Variants in ACRBP observed in about 807,000 individuals in gnomAD.
ACRBP encodes acrosin binding protein.
In ACRBP, 52 loss-of-function variants were observed where a neutral mutation model predicts 69.0. The ratio of observed to expected loss-of-function variants is 0.75; its 90% CI spans 0.60 to 0.95. The LOEUF (loss-of-function observed/expected upper bound fraction) is 0.95, where lower values mean the gene tolerates loss of function less well. Among genes scored for constraint, ACRBP ranks in the 40% least tolerant of loss-of-function variants. The probability of loss-of-function intolerance (pLI) is 0.00; values close to 1 mark genes in which losing one functional copy is unlikely to be tolerated. For synonymous variants in ACRBP, 267 were observed against 258.9 expected (o/e 1.03, Z -0.30); for missense variants, 604 against 673.0 (o/e 0.90, Z 1.13).
chr12:6,641,717 G>A (rs537174018), intron 6 of ACRBP, among the ~76,000 whole-genome samples: 1 of 152,252 alleles, frequency 6.6e-6, no homozygotes, highest in East Asian at 1.9e-4. Context: ...GAAACAGTAT[G>A]CTCATTGTTA....
In ACRBP at chr12:6,640,151, C is replaced by T. The variant is rs1444631771; in HGVS notation, c.1334G>A (p.Arg445Gln). ...GGLHMDFWCARLATKGCEDVR... is the reference protein window; with the variant it reads ...GGLHMDFWCAQLATKGCEDVR... ...ATCTTCACAGCCTTTCGTGGCAAGC[C>T]GGGCACACCAGAAGTCCATGTGGAG... Residue 445 changes from arginine (R) to glutamine (Q), a missense_variant, in exon 8 of 10, where the codon CGG becomes CAG. By Grantham distance (43) the Arg-to-Gln change is conservative. This residue lies in a region of ACRBP where 532 missense variants were observed against 562.9 expected (regional missense o/e 0.95). Coordinates refer to ENST00000229243, the MANE Select transcript of ACRBP (RefSeq NM_032489.3). This position sits in a 1 kb window ranked among gnomAD's most constrained non-coding sequence, Gnocchi z 5.3. 8.1e-6 allele frequency: 13 copies of T among 1,614,052 alleles called. No homozygotes were observed. Among genetic ancestry groups the T allele is most frequent in the East Asian group, 2.2e-5 (1 of 44,900 alleles).
At chr12:6,645,538 C>T (rs2136251664) in intron 3 of ACRBP, among the ~76,000 whole-genome samples, 1 of 152,310 alleles carries the variant, frequency 6.6e-6, no homozygotes, top group African/African-American at 2.4e-5. Flanking sequence ...GGCCACATCC[C>T]TGCCGTCACT....
At chr12:6,646,611 G>A in intron 2 of ACRBP, 34 bp from the exon 3 acceptor site, 1 of 1,598,024 alleles carries the variant, frequency 6.3e-7, no homozygotes, top group South Asian at 1.1e-5. Context: ...AGATGAACCC[G>A]TGGGGAGCTT....
chr12:6,639,263 A>T (rs1199281316), intron 8 of ACRBP, among the ~76,000 whole-genome samples: 1 of 152,238 alleles, frequency 6.6e-6, no homozygotes, highest in Non-Finnish European at 1.5e-5. Context: ...TGAGGCTGCC[A>T]GTCAGCTTAC....
chr12:6,647,272 G>A, intron 1 of ACRBP, 52 bp downstream of exon 1: 1 of 1,519,098 alleles, frequency 6.6e-7, no homozygotes. Flanking sequence ...GCTCTCGGGA[G>A]GGAGAGGACT....
chr12:6,645,731 G>A (rs1395429284), intron 3 of ACRBP, among the ~76,000 whole-genome samples: 1 of 150,302 alleles, frequency 6.7e-6, no homozygotes, highest in Non-Finnish European at 1.5e-5. Context: ...CGCGATCTCG[G>A]CTCACTGCAA....
chr12:6,647,304 A>C lies in ACRBP; in HGVS notation c.43+20T>G. On this transcript the variant is annotated intron_variant, in intron 1 of 9. Transcript: ENST00000229243. ...GACTAGCCCGGGGAGAGTCTGTTGG[A>C]GCAGGTGTAAACCTCTCACCCTTCA... 6.5e-7 allele frequency: 1 copy of C among 1,548,256 alleles called. No individual in the cohort carries two copies. Among genetic ancestry groups the C allele is most frequent in the Non-Finnish European group, 8.7e-7 (1 of 1,148,748 alleles).
At chr12:6,643,119 G>A (rs1949064834) in intron 6 of ACRBP, among the ~76,000 whole-genome samples, 1 of 152,176 alleles carries the variant, frequency 6.6e-6, no homozygotes, top group Non-Finnish European at 1.5e-5. Context: ...GCCAGGCATG[G>A]TGACACATGC....
At chr12:6,646,362 C>T in intron 3 of ACRBP, 121 bp downstream of exon 3, 3 of 855,690 alleles carry the variant, frequency 3.5e-6, no homozygotes, top group Non-Finnish European at 5.9e-6. Flanking sequence ...AAATGACTGG[C>T]AAAATGGCAG....
Position 6,640,844 on chromosome 12 carries a change from T to C in ACRBP, c.1078-322A>G, listed in dbSNP as rs1949047205. ...CCAAGTGCCTGACAGATGTCTGTGA[T>C]TGGGTGATCTTACAGATACCCCAAC... is the stretch of plus-strand genomic sequence containing the variant. On this transcript the variant is annotated intron_variant, in intron 6 of 9. Coordinates refer to ENST00000229243, the MANE Select transcript of ACRBP (RefSeq NM_032489.3). The surrounding 1 kb of genome is among the most constrained non-coding windows in gnomAD (Gnocchi z 5.3). Among the ~76,000 whole-genome samples, 2 of 152,188 alleles carry C rather than the reference T, an allele frequency of 1.3e-5. No individual in the cohort carries two copies. Among genetic ancestry groups the C allele is most frequent in the African/African-American group, 4.8e-5 (2 of 41,444 alleles).
intron 1 of ACRBP, 148 bp downstream of exon 1, chr12:6,647,175 CG>C (rs1949096822): frequency 4.4e-6 from 5 of 1,123,970 alleles, no homozygotes; most frequent in Non-Finnish European, 3.9e-6. Context: ...CGGCCGCGGG[CG>C]GGGGGAGATG....
In ACRBP at chr12:6,647,417, G is replaced by C. The variant is rs748807972; in HGVS notation, c.-51C>G. On this transcript the variant is annotated 5_prime_UTR_variant, in exon 1 of 10. Transcript: ENST00000229243. Reference sequence around the variant, plus strand: ...CGTGGACACAAGCCGCCTCTAACGGGCCAAGCCGCAGAGAGAGCCGCAGGC... The same window carrying C: ...CGTGGACACAAGCCGCCTCTAACGGCCCAAGCCGCAGAGAGAGCCGCAGGC... 6.8e-7 allele frequency: 1 copy of C among 1,478,696 alleles called. No individual in the cohort carries two copies. The highest frequency in any genetic ancestry group is 9.0e-7 in the Non-Finnish European group (1 of 1,109,022). 91.6% of individuals were successfully genotyped at this position (1,478,696 alleles called of 1,614,324 possible).
Position 6,644,269 on chromosome 12 carries a change from C to T in ACRBP, c.812G>A (p.Arg271Gln), listed in dbSNP as rs184620287. 33 of 1,614,070 alleles carry T rather than the reference C, an allele frequency of 2.0e-5. No homozygotes were observed. In the Admixed American group the frequency reaches 2.8e-4, roughly 14 times the overall value. Residue 271 changes from arginine to glutamine, a missense_variant, in exon 5 of 10, where the codon CGG becomes CAG. By Grantham distance (43) the Arg-to-Gln change is conservative (BLOSUM62 1). Around this residue, in one of 3 missense-constraint regions of ACRBP, gnomAD observed 532 missense variants for 562.9 expected, o/e 0.95. Transcript: ENST00000229243. Reference sequence around the variant, plus strand: ...AGGAGTAGACTCTACTTCTCGTACCCGGGGAGCAAAAGAGGAAGGGTTAGA... The same window carrying T: ...AGGAGTAGACTCTACTTCTCGTACCTGGGGAGCAAAAGAGGAAGGGTTAGA... ...LSSNPSSFAP[R>Q]VREVESTPMI...
chr12:6,640,394 A>G lies in ACRBP; in HGVS notation c.1206T>C (p.Thr402=), dbSNP rs1949044347. ...QRQQCDTSHK[T]PFVSPLLASQ... ...AGGCAAGCAAGGGGCTGACAAAGGG[A>G]GTCTTGTGGGAGGTGTCGCATTGTT... The change falls in exon 7 of 10, where the codon ACT becomes ACC. Residue 402 remains threonine, a synonymous_variant. Transcript: ENST00000229243. This position sits in a 1 kb window ranked among gnomAD's most constrained non-coding sequence, Gnocchi z 5.3. The G allele has an allele frequency of 6.2e-7, 1 of 1,613,890 alleles. No homozygotes were observed. Among genetic ancestry groups the G allele is most frequent in the Admixed American group, 1.7e-5 (1 of 59,982 alleles).
intron 9 of ACRBP, 78 bp from the exon 10 acceptor site, chr12:6,638,482 G>A: frequency 6.3e-7 from 1 of 1,592,078 alleles, no homozygotes; most frequent in Non-Finnish European, 8.6e-7. Flanking sequence ...GGTGTCAGAA[G>A]CCCAAAAGAA....
chr12:6,644,712 C>A, intron 4 of ACRBP, 107 bp from the exon 5 acceptor site: 2 of 1,458,790 alleles, frequency 1.4e-6, no homozygotes, highest in South Asian at 2.8e-5. Flanking sequence ...CCAAGTCACA[C>A]TTATACACAC....
In ACRBP at chr12:6,644,462, G is replaced by T; in HGVS notation, c.619C>A (p.Pro207Thr). ...TCTTCCTGCTTGTGTTCTTGTGTCG[G>T]CTCCTGCCTGTGCTCCACTCCTTGC... is the stretch of plus-strand genomic sequence containing the variant. Reference protein sequence around the residue: ...QEQGVEHRQEPTQEHKQEEGQ... With the variant: ...QEQGVEHRQETTQEHKQEEGQ... The change falls in exon 5 of 10, where the codon CCG becomes ACG. Residue 207 changes from proline (P) to threonine (T), a missense_variant. By Grantham distance (38) the Pro-to-Thr change is conservative (BLOSUM62 -1). Coordinates refer to ENST00000229243, the MANE Select transcript of ACRBP (RefSeq NM_032489.3). 6.2e-7 allele frequency: 1 copy of T among 1,613,858 alleles called. No homozygotes were observed. Among genetic ancestry groups the T allele is most frequent in the Non-Finnish European group, 8.5e-7 (1 of 1,180,014 alleles).
chr12:6,639,100 A>G, intron 8 of ACRBP, 63 bp from the exon 9 acceptor site: 1 of 1,459,426 alleles, frequency 6.9e-7, no homozygotes, highest in South Asian at 1.1e-5. Flanking sequence ...GCAGCACTCC[A>G]GGGAATATCT....
In ACRBP at chr12:6,638,397, C is replaced by T. The variant is rs377230865; in HGVS notation, c.1517G>A (p.Arg506His). Reference sequence around the variant, plus strand: ...AGTCTCATTCTGCAGACATCTCATGCGGGACACCTACACAGAGATTCAGTG... The same window carrying T: ...AGTCTCATTCTGCAGACATCTCATGTGGGACACCTACACAGAGATTCAGTG... ...LMRNRNRKVSRMRCLQNETYS... is the reference protein window; with the variant it reads ...LMRNRNRKVSHMRCLQNETYS... The change falls in exon 10 of 10, where the codon CGC becomes CAC. Residue 506 changes from arginine (R) to histidine (H), a missense_variant. Around this residue, in one of 3 missense-constraint regions of ACRBP, gnomAD observed 51 missense variants for 60.1 expected, o/e 0.85. Transcript: ENST00000229243. The T allele has an allele frequency of 3.5e-5, 57 of 1,613,828 alleles. 1 individual carries two copies. Among genetic ancestry groups the T allele is most frequent in the South Asian group, 2.2e-4 (20 of 91,082 alleles).
Sources: allele counts gnomAD v4.1 joint callset (sites outside exome capture counted in the v4.1 genomes callset), GRCh38; gene constraint gnomAD v4.1.1; regional missense constraint gnomAD v4.1.1; non-coding constraint Gnocchi (gnomAD v3.1); transcripts MANE v1.5; gene names NCBI Gene and HGNC (gene_info 2026-07-23, HGNC 2026-07-21).